Variants in ECPAS observed in about 807,000 individuals in gnomAD.
ECPAS encodes the protein Ecm29 proteasome adaptor and scaffold.
Under a neutral mutation model 255.1 loss-of-function variants are expected in ECPAS, and 70 were observed. The ratio of observed to expected loss-of-function variants is 0.27; its 90% CI spans 0.23 to 0.33. ECPAS has a LOEUF of 0.33. Ranked by LOEUF, ECPAS falls within the 10% of genes least tolerant of loss-of-function variation. ECPAS has a pLI of 1.00. For synonymous variants in ECPAS, 784 were observed against 775.0 expected (o/e 1.01, Z -0.19); for missense variants, 1,817 against 2,206.4 (o/e 0.82, Z 3.54).
chr9:111,397,995 G>GT (rs2098170147), intron 24 of ECPAS, among the ~76,000 whole-genome samples: 3 of 152,180 alleles, frequency 2.0e-5, no homozygotes, highest in African/African-American at 7.2e-5. Context: ...GACCCAACAT[G>GT]TAACTACCTA....
Position 111,410,222 on chromosome 9 carries a change from A to G in ECPAS, c.2378-9T>C, listed in dbSNP as rs370606637. The G allele has an allele frequency of 1.8e-5, 29 of 1,602,490 alleles. No homozygotes were observed. The African/African-American group carries it at 3.4e-4, about 19-fold the overall frequency. The stretch of plus-strand genomic sequence containing the variant: ...ACTGTCCAAAAATGAGCCTGTAAGC[A>G]CATTTAGCCAAAAAGAGAATTACAT... On this transcript the variant is annotated splice_polypyrimidine_tract_variant and intron_variant, in intron 22 of 49. Transcript: ENST00000684092.
chr9:111,407,403 GAAAAAAAAAA>G (rs1161790026), intron 24 of ECPAS, among the ~76,000 whole-genome samples: 38 of 12,066 alleles, frequency 3.1e-3, no homozygotes, highest in South Asian at 7.2e-3. Context: ...CTCCATCTCA[GAAAAAAAAAA>G]AAAAAAAAAA....
At position 111,367,977 on chromosome 9, in the gene ECPAS, G is replaced by A. The variant is rs181661818; in HGVS notation, c.5113+1058C>T. ...AGATCACTTGAGCCCAGGAGGTAAAGGCTGCAAGAACTGCACCACTGCACT... is the reference window on the plus strand; with the variant it reads ...AGATCACTTGAGCCCAGGAGGTAAAAGCTGCAAGAACTGCACCACTGCACT... On this transcript the variant is annotated intron_variant, in intron 46 of 49. Coordinates refer to ENST00000684092, the MANE Select transcript of ECPAS (RefSeq NM_001364929.1). Among the ~76,000 whole-genome samples, 72 of 151,592 alleles carry A rather than the reference G, an allele frequency of 4.7e-4. 2 individuals are homozygous for A. The South Asian group carries it at 0.012, about 26-fold the overall frequency.
At chr9:111,477,082 G>A (rs1304200738) in intron 1 of ECPAS, among the ~76,000 whole-genome samples, 4 of 151,844 alleles carry the variant, frequency 2.6e-5, no homozygotes, top group Admixed American at 6.6e-5. Flanking sequence ...GATTACAGGC[G>A]TGAGCCACCG....
At chr9:111,436,716 T>A (rs574482010) in intron 7 of ECPAS, among the ~76,000 whole-genome samples, 1 of 152,218 alleles carries the variant, frequency 6.6e-6, no homozygotes, top group East Asian at 1.9e-4. Context: ...ACTTGACATA[T>A]GTAAGCAGTA....
At chr9:111,427,450 T>C (rs1337986204) in intron 10 of ECPAS, among the ~76,000 whole-genome samples, 1 of 152,180 alleles carries the variant, frequency 6.6e-6, no homozygotes, top group Non-Finnish European at 1.5e-5. Flanking sequence ...AAAAACCTTG[T>C]CTGAAAGGGA....
In ECPAS at chr9:111,428,175, G is replaced by A; in HGVS notation, c.931-14C>T. 2 of 1,603,632 alleles carry A rather than the reference G, an allele frequency of 1.2e-6. No individual in the cohort carries two copies. The highest frequency in any genetic ancestry group is 1.7e-6 in the Non-Finnish European group (2 of 1,175,692). ...CAGAACTGCACCCTGTTGAAAATAT[G>A]CTTGATTATAACTCAGCAATTCAAA... On this transcript the variant is annotated splice_polypyrimidine_tract_variant and intron_variant, in intron 9 of 49. Transcript: ENST00000684092.
At chr9:111,381,846 T>C (rs921391837) in intron 35 of ECPAS, among the ~76,000 whole-genome samples, 3 of 152,206 alleles carry the variant, frequency 2.0e-5, no homozygotes, top group East Asian at 1.9e-4. Context: ...CACTCACACA[T>C]TGCAATCTAC....
chr9:111,386,859 C>T (rs1470950588), intron 31 of ECPAS, among the ~76,000 whole-genome samples: 1 of 152,244 alleles, frequency 6.6e-6, no homozygotes, highest in Non-Finnish European at 1.5e-5. Context: ...ACTTGTCCTT[C>T]AAGGTTCATA....
At position 111,375,431 on chromosome 9, in the gene ECPAS, A is replaced by C. The variant is rs145371218; in HGVS notation, c.4021-229T>G. Among the ~76,000 whole-genome samples, 506 of 152,328 alleles carry C rather than the reference A, an allele frequency of 3.3e-3. 5 individuals carry two copies. The highest frequency in any genetic ancestry group is 0.012 in the African/African-American group (487 of 41,584). ...AAAAACAAACAAAAAAATGAAAAAC[A>C]TCAATTTGCTAAAAAAGAAAAATAA... is the stretch of plus-strand genomic sequence containing the variant. On this transcript the variant is annotated intron_variant, in intron 37 of 49. Coordinates refer to ENST00000684092, the MANE Select transcript of ECPAS (RefSeq NM_001364929.1).
intron 10 of ECPAS, 74 bp downstream of exon 10, chr9:111,427,962 CCATTAA>C (rs1290230511): frequency 7.7e-7 from 1 of 1,298,120 alleles, no homozygotes; most frequent in Non-Finnish European, 1.1e-6. Context: ...CACTGAATAT[CCATTAA>C]CACAGTTCTT....
intron 1 of ECPAS, among the ~76,000 whole-genome samples, chr9:111,479,702 C>T (rs922103907): frequency 6.6e-6 from 1 of 151,824 alleles, no homozygotes; most frequent in Non-Finnish European, 1.5e-5. Context: ...AACAATTGGC[C>T]AAGCATGGTG....
chr9:111,442,207 C>T, intron 5 of ECPAS, 99 bp downstream of exon 5: 1 of 718,316 alleles, frequency 1.4e-6, no homozygotes, highest in Non-Finnish European at 2.3e-6. Flanking sequence ...AGCTCAAGAC[C>T]TCCCATTTGC....
intron 2 of ECPAS, among the ~76,000 whole-genome samples, chr9:111,472,611 G>A (rs1373433799): frequency 1.3e-5 from 2 of 149,884 alleles, no homozygotes; most frequent in Admixed American, 6.7e-5. Context: ...CTGCACTCCT[G>A]CCTGGACAAC....
intron 45 of ECPAS, among the ~76,000 whole-genome samples, chr9:111,369,746 G>GT (rs900272831): frequency 5.3e-5 from 8 of 151,134 alleles, no homozygotes; most frequent in African/African-American, 1.9e-4. Context: ...TTTTTTTGGG[G>GT]GGGGGACCAG....
intron 49 of ECPAS, 33 bp downstream of exon 49, chr9:111,363,555 A>C (rs2297524): frequency 7.7e-7 from 1 of 1,298,780 alleles, no homozygotes; most frequent in East Asian, 2.4e-5. Context: ...ACATGGCTTT[A>C]TGGTCCCCCA....
chr9:111,448,600 C>T (rs1031888179), intron 3 of ECPAS, among the ~76,000 whole-genome samples: 1 of 152,198 alleles, frequency 6.6e-6, no homozygotes, highest in African/African-American at 2.4e-5. Context: ...AGGTTCAAGA[C>T]ATGAATGCAC....
chr9:111,418,593 G>A (rs758288420), intron 16 of ECPAS, among the ~76,000 whole-genome samples: 3 of 152,124 alleles, frequency 2.0e-5, no homozygotes, highest in Non-Finnish European at 1.5e-5. Flanking sequence ...ATAAAGGGCC[G>A]AAAAGAAAGA....
intron 2 of ECPAS, among the ~76,000 whole-genome samples, chr9:111,460,901 TG>T (rs1363074780): frequency 6.6e-6 from 1 of 152,130 alleles, no homozygotes; most frequent in Non-Finnish European, 1.5e-5. Context: ...TCAGATAACT[TG>T]GGTAACACTA....
Sources: allele counts gnomAD v4.1 joint callset (sites outside exome capture counted in the v4.1 genomes callset), GRCh38; gene constraint gnomAD v4.1.1; transcripts MANE v1.5; gene names NCBI Gene and HGNC (gene_info 2026-07-23, HGNC 2026-07-21).